VWA3B: variants seen among roughly 807,000 people sequenced by gnomAD.
The protein encoded by VWA3B is von Willebrand factor A domain-containing protein 3B.
VWA3B carries 138 observed loss-of-function variants against 158.3 expected under a neutral mutation model. The observed-to-expected ratio is 0.87, with a 90% confidence interval of 0.76 to 1.00. The LOEUF is 1.00. Among genes scored for constraint, VWA3B ranks in the 50% least tolerant of loss-of-function variants. The probability of loss-of-function intolerance (pLI) is 0.00; values close to 1 mark genes in which losing one functional copy is unlikely to be tolerated. For synonymous variants in VWA3B, 596 were observed against 587.3 expected (o/e 1.01, Z -0.21); for missense variants, 1,555 against 1,565.1 (o/e 0.99, Z 0.11).
chr2:98,264,398 T>A (rs1318142366), intron 21 of VWA3B, among the ~76,000 whole-genome samples: 1 of 152,124 alleles, frequency 6.6e-6, no homozygotes, highest in Admixed American at 6.5e-5. Flanking sequence ...CTGCATCTCA[T>A]ACATTTCGAT....
At chr2:98,181,877 T>C (rs928979958) in intron 9 of VWA3B, among the ~76,000 whole-genome samples, 2 of 152,158 alleles carry the variant, frequency 1.3e-5, no homozygotes, top group African/African-American at 4.8e-5. Context: ...AACCCCCAGA[T>C]GATGCTAACA....
intron 19 of VWA3B, among the ~76,000 whole-genome samples, chr2:98,241,551 T>TG (rs1686074270): frequency 6.6e-6 from 1 of 151,648 alleles, no homozygotes; most frequent in Non-Finnish European, 1.5e-5. Context: ...AAGTCAACGA[T>TG]GTGGGGCTGA....
At chr2:98,299,517 G>A (rs1461197262) in intron 24 of VWA3B, among the ~76,000 whole-genome samples, 1 of 152,214 alleles carries the variant, frequency 6.6e-6, no homozygotes, top group Non-Finnish European at 1.5e-5. Flanking sequence ...GGCCTCTGCT[G>A]CTGCTTCCTA....
intron 26 of VWA3B, among the ~76,000 whole-genome samples, chr2:98,307,666 A>C (rs965299124): frequency 6.6e-6 from 1 of 152,236 alleles, no homozygotes; most frequent in Non-Finnish European, 1.5e-5. Flanking sequence ...GTTATTCCTA[A>C]TTAGATGGGG....
At chr2:98,092,814 T>TTGTA (rs1244816104) in intron 1 of VWA3B, among the ~76,000 whole-genome samples, 1,231 of 84,848 alleles carry the variant, frequency 0.015, 24 homozygotes, top group East Asian at 0.024. Flanking sequence ...CTAGATGTTT[T>TTGTA]TGTATATATA....
intron 2 of VWA3B, among the ~76,000 whole-genome samples, chr2:98,109,625 G>A (rs2104900981): frequency 6.6e-6 from 1 of 152,092 alleles, no homozygotes; most frequent in South Asian, 2.1e-4. Flanking sequence ...GATGGTCCAA[G>A]GTTCCTTCTT....
At chr2:98,252,726 A>G (rs1686875640) in intron 20 of VWA3B, among the ~76,000 whole-genome samples, 1 of 152,122 alleles carries the variant, frequency 6.6e-6, no homozygotes, top group African/African-American at 2.4e-5. Flanking sequence ...TTCCCACTGC[A>G]TTGACCTTTT....
chr2:98,192,438 A>G (rs59423533), intron 10 of VWA3B: 2,048 of 181,966 alleles, frequency 0.011, 49 homozygotes, highest in African/African-American at 0.046. Context: ...CAAGGTGCTC[A>G]GTAGGGGAGC....
intron 16 of VWA3B, among the ~76,000 whole-genome samples, chr2:98,231,373 G>A (rs558888617): frequency 2.0e-5 from 3 of 152,250 alleles, no homozygotes; most frequent in African/African-American, 7.2e-5. Context: ...TGGACATTAA[G>A]GCTTACCACA....
intron 12 of VWA3B, among the ~76,000 whole-genome samples, chr2:98,199,965 C>T (rs924907913): frequency 6.6e-6 from 1 of 152,156 alleles, no homozygotes; most frequent in Non-Finnish European, 1.5e-5. Context: ...TTTGCATTCC[C>T]GTCAGTGATA....
At chr2:98,242,337 C>G (rs1466124990) in intron 19 of VWA3B, 1 of 455,760 alleles carries the variant, frequency 2.2e-6, no homozygotes, top group African/African-American at 2.0e-5. Context: ...CTCTTCATTA[C>G]AAGATGCAAA....
At chr2:98,189,057 T>C (rs890084113) in intron 10 of VWA3B, among the ~76,000 whole-genome samples, 2 of 152,234 alleles carry the variant, frequency 1.3e-5, no homozygotes, top group East Asian at 3.8e-4. Flanking sequence ...TTCAATCATT[T>C]CAGAATATTT....
At position 98,181,185 on chromosome 2, in the gene VWA3B, G is replaced by A. The variant is rs372193532; in HGVS notation, c.1284G>A (p.Pro428=). 1.4e-5 allele frequency: 23 copies of A among 1,614,088 alleles called. No homozygotes were observed. Among genetic ancestry groups the A allele is most frequent in the Middle Eastern group, 1.6e-4 (1 of 6,076 alleles). The change falls in exon 9 of 28, where the codon CCG becomes CCA. Residue 428 remains proline, a synonymous_variant. Coordinates refer to ENST00000477737, the MANE Select transcript of VWA3B (RefSeq NM_144992.5). Reference sequence around the variant, plus strand: ...GGGTTGTGGATATAAAAGCCAAACCGGAGAATGAGTCCGTGCAGACCAGTG... The same window carrying A: ...GGGTTGTGGATATAAAAGCCAAACCAGAGAATGAGTCCGTGCAGACCAGTG... The part of the protein sequence containing the change: ...ADGVVDIKAK[P]ENESVQTSAE...
At chr2:98,168,121 G>A (rs762572822) in intron 8 of VWA3B, among the ~76,000 whole-genome samples, 3 of 152,190 alleles carry the variant, frequency 2.0e-5, no homozygotes, top group Non-Finnish European at 2.9e-5. Flanking sequence ...TCCGTGATAA[G>A]TAGAAACATC....
intron 9 of VWA3B, among the ~76,000 whole-genome samples, chr2:98,184,055 G>A (rs1173963801): frequency 6.6e-6 from 1 of 152,228 alleles, no homozygotes; most frequent in Non-Finnish European, 1.5e-5. Flanking sequence ...TGAGAGGTTA[G>A]GTAACTCGCT....
chr2:98,290,533 CA>C lies in VWA3B; in HGVS notation c.3070del (p.Thr1024GlnfsTer32). The part of the protein sequence containing the change: ...PGEQQKLQGN[P>X]TKKTKSKRPD... ...CAGCAACAGAAATTGCAAGGAAATC[CA>C]ACAAAGAAAACCAAATCAAAAAGAC... On this transcript the variant is annotated frameshift_variant, in exon 23 of 28. Transcript: ENST00000477737. LOFTEE classifies it high-confidence loss of function. 1.3e-6 allele frequency: 2 copies of C among 1,579,690 alleles called. No homozygotes were observed. The highest frequency in any genetic ancestry group is 2.4e-5 in the South Asian group (2 of 83,214).
intron 22 of VWA3B, among the ~76,000 whole-genome samples, chr2:98,279,554 G>A (rs1391281802): frequency 4.6e-5 from 7 of 152,202 alleles, no homozygotes; most frequent in Non-Finnish European, 1.0e-4. Flanking sequence ...AATTCATTCA[G>A]CACAAGTGAA....
At chr2:98,277,849 C>G (rs1052860644) in intron 22 of VWA3B, among the ~76,000 whole-genome samples, 1 of 152,126 alleles carries the variant, frequency 6.6e-6, no homozygotes, top group Non-Finnish European at 1.5e-5. Context: ...GCTGGGGAGA[C>G]AGAGGAAAGT....
chr2:98,329,115 G>C, the VWA3B span, among the ~76,000 whole-genome samples: 1 of 152,084 alleles, frequency 6.6e-6, no homozygotes, highest in Non-Finnish European at 1.5e-5. Context: ...ATGATAATTA[G>C]AAAAACTGGA....
Sources: gnomAD v4.1 joint callset for allele counts (sites outside exome capture counted in the v4.1 genomes callset) on GRCh38, gnomAD v4.1.1 for gene constraint, MANE v1.5 for transcripts, NCBI Gene and HGNC (gene_info 2026-07-23, HGNC 2026-07-21) for gene names.